PTPRN2: variants seen among roughly 807,000 people sequenced by gnomAD.
PTPRN2 encodes protein tyrosine phosphatase receptor type N2.
In PTPRN2, 74 loss-of-function variants were observed where a neutral mutation model predicts 118.8. That is an observed-to-expected ratio of 0.62 (90% CI 0.52 to 0.76). The LOEUF (loss-of-function observed/expected upper bound fraction) is 0.76. Ranked by LOEUF, PTPRN2 falls within the 30% of genes least tolerant of loss-of-function variation. PTPRN2 has a pLI of 0.00. For missense variants in PTPRN2, 1,481 were observed against 1,394.4 expected (o/e 1.06, Z -0.99); for synonymous variants, 641 against 608.0 (o/e 1.05, Z -0.80).
chr7:158,132,423 C>T (rs930173905), intron 9 of PTPRN2, among the ~76,000 whole-genome samples: 1 of 150,918 alleles, frequency 6.6e-6, no homozygotes, highest in Admixed American at 6.6e-5. Context: ...ACCCGACACA[C>T]ACTCATACAC....
At chr7:158,094,110 C>T (rs982146429) in intron 10 of PTPRN2, among the ~76,000 whole-genome samples, 15 of 152,152 alleles carry the variant, frequency 9.9e-5, no homozygotes, top group African/African-American at 3.6e-4. Context: ...TATGCTTTGC[C>T]TTTGAACTTT....
intron 12 of PTPRN2, among the ~76,000 whole-genome samples, chr7:157,837,192 CATCCACTCACTA>C (rs1808025587): frequency 2.6e-5 from 1 of 38,816 alleles, no homozygotes; most frequent in Non-Finnish European, 6.0e-5. Context: ...TCCACCCACC[CATCCACTCACTA>C]CCACCTGTCC....
intron 11 of PTPRN2, among the ~76,000 whole-genome samples, chr7:158,072,050 G>A (rs1414639494): frequency 6.9e-6 from 1 of 144,940 alleles, no homozygotes; most frequent in Admixed American, 6.8e-5. Flanking sequence ...CGTGGTGGTG[G>A]AGGTTCCCGT....
intron 12 of PTPRN2, among the ~76,000 whole-genome samples, chr7:157,757,146 T>G (rs1242780): frequency 0.25 from 37,300 of 151,492 alleles, 4,947 homozygotes; most frequent in Admixed American, 0.31. Flanking sequence ...TCATTATTGT[T>G]ACGACATAGA....
intron 12 of PTPRN2, among the ~76,000 whole-genome samples, chr7:157,841,245 T>C (rs1262895730): frequency 1.3e-5 from 2 of 152,194 alleles, no homozygotes; most frequent in East Asian, 1.9e-4. Context: ...CTTGAAAGCT[T>C]CTTCACCGCC....
At chr7:158,110,741 G>A (rs947890906) in intron 10 of PTPRN2, 88 bp downstream of exon 10, 4 of 1,239,826 alleles carry the variant, frequency 3.2e-6, no homozygotes, top group Non-Finnish European at 4.6e-6. Context: ...ATTAACAAGA[G>A]CCATGGGCTC....
chr7:158,146,702 C>G (rs1003701311), intron 6 of PTPRN2, among the ~76,000 whole-genome samples: 1 of 137,720 alleles, frequency 7.3e-6, no homozygotes, highest in Admixed American at 7.6e-5. Flanking sequence ...GCCTGGGCGA[C>G]AGAGCGAGAC....
chr7:157,926,871 G>A (rs1799023765), intron 11 of PTPRN2, among the ~76,000 whole-genome samples: 1 of 152,182 alleles, frequency 6.6e-6, no homozygotes, highest in Non-Finnish European at 1.5e-5. Flanking sequence ...CAGGGATCCT[G>A]ACACCGGCTC....
intron 11 of PTPRN2, among the ~76,000 whole-genome samples, chr7:157,949,542 G>A (rs1224049626): frequency 6.6e-6 from 1 of 152,204 alleles, no homozygotes; most frequent in African/African-American, 2.4e-5. Flanking sequence ...GAACATCATT[G>A]AGGGGCTCAG....
chr7:158,387,951 C>T (rs1016469828), intron 2 of PTPRN2, among the ~76,000 whole-genome samples: 6 of 152,198 alleles, frequency 3.9e-5, no homozygotes, highest in African/African-American at 1.4e-4. Flanking sequence ...TGTACACACA[C>T]ATATATCTCT....
chr7:158,539,048 G>A (rs375846853), intron 1 of PTPRN2, among the ~76,000 whole-genome samples: 1 of 152,222 alleles, frequency 6.6e-6, no homozygotes, highest in Non-Finnish European at 1.5e-5. Flanking sequence ...AACGACAACT[G>A]CAGATTCCAA....
Position 157,568,886 on chromosome 7 carries a change from AGT to A in PTPRN2, c.2902+14_2902+15del. The A allele has an allele frequency of 1.9e-6, 3 of 1,541,116 alleles. No individual in the cohort carries two copies. Among genetic ancestry groups the A allele is most frequent in the Non-Finnish European group, 2.7e-6 (3 of 1,113,866 alleles). The stretch of plus-strand genomic sequence containing the variant: ...CAGCTCTGAGCCGCAACAAAGCGGC[AGT>A]GTCTGTGTCTCACCTTTGGCCATCT... On this transcript the variant is annotated intron_variant, in intron 21 of 22. Coordinates refer to ENST00000389418, the MANE Select transcript of PTPRN2 (RefSeq NM_002847.5).
chr7:158,204,196 G>T (rs1826929966), intron 4 of PTPRN2, among the ~76,000 whole-genome samples: 1 of 149,648 alleles, frequency 6.7e-6, no homozygotes, highest in African/African-American at 2.5e-5. Flanking sequence ...CTCAGCGTGC[G>T]CCGTGTGGTG....
At chr7:157,642,985 G>A (rs1804797112) in intron 14 of PTPRN2, among the ~76,000 whole-genome samples, 1 of 152,180 alleles carries the variant, frequency 6.6e-6, no homozygotes, top group African/African-American at 2.4e-5. Flanking sequence ...CTTCTCTGGA[G>A]CCCAAACATC....
chr7:158,542,251 A>G (rs1826033383), intron 1 of PTPRN2, among the ~76,000 whole-genome samples: 1 of 152,210 alleles, frequency 6.6e-6, no homozygotes. Context: ...CCCAGGTTCA[A>G]GCAATTCCCC....
intron 12 of PTPRN2, among the ~76,000 whole-genome samples, chr7:157,769,099 G>C (rs1188993426): frequency 2.6e-5 from 4 of 152,160 alleles, no homozygotes; most frequent in Admixed American, 1.3e-4. Flanking sequence ...AGGAGCGTTT[G>C]CCTGCACCCA....
Position 158,053,940 on chromosome 7 carries a change from T to TCCAGAGATGCAGAGACC in PTPRN2, c.1723+27341_1723+27357dup, listed in dbSNP as rs1221145264. 6.9e-4 allele frequency among the ~76,000 whole-genome samples: 52 copies of TCCAGAGATGCAGAGACC among 74,910 alleles called. 1 individual carries two copies. The highest frequency in any genetic ancestry group is 2.4e-3 in the African/African-American group (43 of 17,804). 49.1% of individuals were successfully genotyped at this position (74,910 alleles called of 152,430 possible). The stretch of plus-strand genomic sequence containing the variant: ...GCAGAGACTCCAGAGACGCAGAGAC[T>TCCAGAGATGCAGAGACC]CCAGAGATGCAGAGACCCCAGAGAT... On this transcript the variant is annotated intron_variant, in intron 11 of 22. Transcript: ENST00000389418.
At chr7:157,725,353 A>C (rs60236117) in intron 12 of PTPRN2, among the ~76,000 whole-genome samples, 322 of 23,726 alleles carry the variant, frequency 0.014, 30 homozygotes, top group African/African-American at 0.068. Flanking sequence ...ATATCTACAC[A>C]CAGAGGAGTG....
chr7:157,887,784 T>G, intron 12 of PTPRN2, among the ~76,000 whole-genome samples: 1 of 45,090 alleles, frequency 2.2e-5, no homozygotes, highest in East Asian at 7.3e-4. Flanking sequence ...GCTCCCCCAG[T>G]ACTCGCTTCC....
Sources: gnomAD v4.1 joint callset for allele counts (sites outside exome capture counted in the v4.1 genomes callset) on GRCh38, gnomAD v4.1.1 for gene constraint, MANE v1.5 for transcripts, NCBI Gene and HGNC (gene_info 2026-07-23, HGNC 2026-07-21) for gene names.